The following KCNG3 variants were observed in gnomAD, a reference collection of about 807,000 sequenced individuals.
KCNG3 encodes the protein voltage-gated potassium channel regulatory subunit KCNG3.
A neutral mutation model predicts 29.0 loss-of-function variants in KCNG3; 15 were observed. The ratio of observed to expected loss-of-function variants is 0.52; its 90% CI spans 0.35 to 0.80. KCNG3 has a LOEUF of 0.80. Ranked by LOEUF, KCNG3 falls within the 30% of genes least tolerant of loss-of-function variation. KCNG3 has a pLI of 0.01. For synonymous variants in KCNG3, 322 were observed against 248.9 expected (o/e 1.29, Z -2.76); for missense variants, 512 against 605.7 (o/e 0.85, Z 1.62).
the KCNG3 span, among the ~76,000 whole-genome samples, chr2:42,407,342 A>G: frequency 6.6e-6 from 1 of 152,056 alleles, no homozygotes; most frequent in African/African-American, 2.4e-5. Flanking sequence ...CACCCAGCTA[A>G]TATTTTTAGA....
the KCNG3 span, among the ~76,000 whole-genome samples, chr2:42,436,571 C>G: frequency 6.6e-6 from 1 of 152,198 alleles, no homozygotes; most frequent in African/African-American, 2.4e-5. Context: ...CTTCTCTGGC[C>G]ACTCAATTGC....
rs540525774 is a variant in KCNG3 at position 42,459,901 on chromosome 2, G to A, written c.666-15322C>T. On this transcript the variant is annotated intron_variant, in intron 1 of 1. Coordinates refer to ENST00000306078, the MANE Select transcript of KCNG3 (RefSeq NM_133329.6). ...TGAGGCAGGAGAATGGTGTGAACCCGGGAGGTGGAGCTTGCAGGGAGCCGA... is the reference window on the plus strand; with the variant it reads ...TGAGGCAGGAGAATGGTGTGAACCCAGGAGGTGGAGCTTGCAGGGAGCCGA... 2.5e-3 allele frequency among the ~76,000 whole-genome samples: 385 copies of A among 151,994 alleles called. 2 individuals are homozygous for A. Among genetic ancestry groups the A allele is most frequent in the South Asian group, 3.8e-3 (18 of 4,798 alleles).
the KCNG3 span, among the ~76,000 whole-genome samples, chr2:42,414,188 C>G: frequency 3.3e-5 from 5 of 152,142 alleles, no homozygotes; most frequent in Non-Finnish European, 7.3e-5. Context: ...TGGCATCATG[C>G]TCTTTCCTTT....
intron 1 of KCNG3, among the ~76,000 whole-genome samples, chr2:42,474,302 C>A (rs368682686): frequency 6.6e-6 from 1 of 150,676 alleles, no homozygotes; most frequent in Admixed American, 6.6e-5. Flanking sequence ...CCAAGGTGGG[C>A]GGATCACCTG....
chr2:42,493,051 T>G lies in KCNG3; in HGVS notation c.451A>C (p.Arg151=). ...RPGGAEAAPS[R]RWLERMRRTF... The stretch of plus-strand genomic sequence containing the variant: ...CGCCGCATGCGCTCCAGCCAGCGCC[T>G]GGAGGGAGCCGCCTCGGCCCCGCCG... Residue 151 remains arginine (R), a synonymous_variant, in exon 1 of 2, where the codon AGG becomes CGG. Coordinates refer to ENST00000306078, the MANE Select transcript of KCNG3 (RefSeq NM_133329.6). 2.6e-6 allele frequency: 4 copies of G among 1,524,626 alleles called. No homozygotes were observed. The highest frequency in any genetic ancestry group is 3.5e-6 in the Non-Finnish European group (4 of 1,140,696). 94.4% of individuals were successfully genotyped at this position (1,524,626 alleles called of 1,614,324 possible).
At chr2:42,477,204 GA>G (rs570032713) in intron 1 of KCNG3, among the ~76,000 whole-genome samples, 162 of 129,600 alleles carry the variant, frequency 1.3e-3, no homozygotes, top group Admixed American at 1.9e-3. Context: ...AAAAAAAAAA[GA>G]AAAAAAAAAG....
the KCNG3 span, among the ~76,000 whole-genome samples, chr2:42,423,162 A>G: frequency 6.6e-6 from 1 of 152,074 alleles, no homozygotes; most frequent in East Asian, 1.9e-4. Context: ...TAAATCTACA[A>G]TGGAACTCTT....
chr2:42,467,060 G>C (rs1673159795), intron 1 of KCNG3, among the ~76,000 whole-genome samples: 1 of 151,978 alleles, frequency 6.6e-6, no homozygotes, highest in African/African-American at 2.4e-5. Flanking sequence ...GCCAAAAACA[G>C]ATCTTTTATA....
At chr2:42,485,194 C>T (rs746400313) in intron 1 of KCNG3, among the ~76,000 whole-genome samples, 2 of 152,076 alleles carry the variant, frequency 1.3e-5, no homozygotes, top group Non-Finnish European at 2.9e-5. Context: ...ACCACCACAA[C>T]ACAAAGCAAT....
At chr2:42,439,595 AAAAAG>A (rs1672432707), downstream of KCNG3, among the ~76,000 whole-genome samples, 1 of 150,172 alleles carries the variant, frequency 6.7e-6, no homozygotes. Context: ...GTTAAAAAAA[AAAAAG>A]AAAAAGAAAA....
At chr2:42,419,032 A>C in the KCNG3 span, among the ~76,000 whole-genome samples, 1 of 152,028 alleles carries the variant, frequency 6.6e-6, no homozygotes, top group Non-Finnish European at 1.5e-5. Context: ...ATGATTAAGA[A>C]TGTACTCAAA....
chr2:42,483,027 G>A (rs1673630877), intron 1 of KCNG3, among the ~76,000 whole-genome samples: 1 of 151,360 alleles, frequency 6.6e-6, no homozygotes, highest in African/African-American at 2.4e-5. Context: ...AGGCTACAGT[G>A]GGAGGATCGC....
At chr2:42,485,995 G>A (rs923339692) in intron 1 of KCNG3, among the ~76,000 whole-genome samples, 1 of 152,328 alleles carries the variant, frequency 6.6e-6, no homozygotes, top group Middle Eastern at 3.4e-3. Context: ...AGGTGAGACA[G>A]TCCTCTCAAT....
At chr2:42,435,404 G>GA in the KCNG3 span, among the ~76,000 whole-genome samples, 3 of 152,128 alleles carry the variant, frequency 2.0e-5, no homozygotes, top group Non-Finnish European at 2.9e-5. Context: ...AGAGACAAGA[G>GA]AAAAAACAGA....
At chr2:42,410,211 G>T in the KCNG3 span, among the ~76,000 whole-genome samples, 1 of 152,118 alleles carries the variant, frequency 6.6e-6, no homozygotes, top group Admixed American at 6.5e-5. Context: ...GTCATATTTT[G>T]GGGGCAATCG....
the KCNG3 span, among the ~76,000 whole-genome samples, chr2:42,407,943 C>T: frequency 6.6e-6 from 1 of 152,220 alleles, no homozygotes; most frequent in Non-Finnish European, 1.5e-5. Context: ...CCCACCTGAC[C>T]TTGCAGGCTC....
the KCNG3 span, among the ~76,000 whole-genome samples, chr2:42,424,366 T>C: frequency 1.3e-5 from 2 of 151,834 alleles, no homozygotes; most frequent in Non-Finnish European, 2.9e-5. Flanking sequence ...ATCCATCACC[T>C]TGTCAGCTTA....
the KCNG3 span, among the ~76,000 whole-genome samples, chr2:42,390,065 T>C: frequency 6.6e-6 from 1 of 152,216 alleles, no homozygotes; most frequent in Non-Finnish European, 1.5e-5. Context: ...GAAGGCTCTC[T>C]ATGTGGGAAA....
chr2:42,398,260 T>TAAATAAATAAATAAATA, the KCNG3 span, among the ~76,000 whole-genome samples: 85 of 124,140 alleles, frequency 6.8e-4, no homozygotes, highest in East Asian at 5.0e-3. Context: ...AATAAATAAA[T>TAAATAAATAAATAAATA]AAATAAAATA....
Sources: allele counts gnomAD v4.1 joint callset (sites outside exome capture counted in the v4.1 genomes callset), GRCh38; gene constraint gnomAD v4.1.1; transcripts MANE v1.5; gene names NCBI Gene and HGNC (gene_info 2026-07-23, HGNC 2026-07-21).